The following EFCAB13 variants were observed in gnomAD, a reference collection of about 807,000 sequenced individuals.
EFCAB13 encodes the protein EF-hand calcium binding domain 13.
EFCAB13 carries 91 observed loss-of-function variants against 110.2 expected under a neutral mutation model. That is an observed-to-expected ratio of 0.83 (90% confidence interval 0.70 to 0.98). The LOEUF (loss-of-function observed/expected upper bound fraction) is 0.98. Among genes scored for constraint, EFCAB13 ranks in the 50% least tolerant of loss-of-function variants. The pLI, the probability that EFCAB13 is intolerant of heterozygous loss-of-function variation, is 0.00. For synonymous variants in EFCAB13, 323 were observed against 369.9 expected, an observed-to-expected ratio of 0.87 and a Z score of 1.45; for missense variants, 968 against 1,119.4, an observed-to-expected ratio of 0.86 and a Z score of 1.93.
intron 14 of EFCAB13, 152 bp from the exon 15 acceptor site, chr17:47,391,285 A>G: frequency 2.2e-6 from 1 of 458,454 alleles, no homozygotes; most frequent in Admixed American, 4.8e-5. Flanking sequence ...TACTTTTTTT[A>G]TTAAAGATTC....
intron 11 of EFCAB13, among the ~76,000 whole-genome samples, chr17:47,371,429 C>A (rs1037483889): frequency 2.0e-5 from 3 of 152,104 alleles, no homozygotes; most frequent in African/African-American, 7.2e-5. Context: ...GGTTTAGTTT[C>A]ATTCTTCTGC....
At chr17:47,361,307 T>C in intron 9 of EFCAB13, 71 bp from the exon 10 acceptor site, 8 of 1,474,638 alleles carry the variant, frequency 5.4e-6, no homozygotes, top group Non-Finnish European at 7.5e-6. Context: ...TAGTAGGCTA[T>C]TGACACAAAA....
chr17:47,349,769 T>C (rs1479398854), intron 9 of EFCAB13, among the ~76,000 whole-genome samples: 2 of 136,508 alleles, frequency 1.5e-5, no homozygotes, highest in East Asian at 2.0e-4. Context: ...CTTTTTTTTT[T>C]TTTTTTTTTT....
In EFCAB13 at chr17:47,361,434, G is replaced by C; in HGVS notation, c.718G>C (p.Asp240His). ...CRIKGGRVST[D>H]DVFAVLDSMG... Reference sequence around the variant, plus strand: ...GATAAAAGGTGGTCGAGTTTCAACTGATGACGTGTTTGCTGTTTTGGATAG... The same window carrying C: ...GATAAAAGGTGGTCGAGTTTCAACTCATGACGTGTTTGCTGTTTTGGATAG... Residue 240 changes from aspartate to histidine, a missense_variant, in exon 10 of 25, where the codon GAT becomes CAT. Transcript: ENST00000331493. 1 of 1,613,940 alleles carries C rather than the reference G, an allele frequency of 6.2e-7. No homozygotes were observed. Among genetic ancestry groups the C allele is most frequent in the Non-Finnish European group, 8.5e-7 (1 of 1,179,926 alleles).
At chr17:47,347,297 A>G (rs1310828163) in intron 8 of EFCAB13, among the ~76,000 whole-genome samples, 2 of 152,204 alleles carry the variant, frequency 1.3e-5, no homozygotes, top group African/African-American at 4.8e-5. Context: ...AAACAAAAAT[A>G]GCACTATCAT....
chr17:47,334,366 A>C (rs1300559760), intron 4 of EFCAB13, among the ~76,000 whole-genome samples: 1 of 152,132 alleles, frequency 6.6e-6, no homozygotes, highest in Non-Finnish European at 1.5e-5. Context: ...GTTCTTTATA[A>C]AATATGTCTT....
chr17:47,440,837 T>A lies in EFCAB13; in HGVS notation c.*123T>A. 1.3e-6 allele frequency: 1 copy of A among 775,248 alleles called. No individual in the cohort carries two copies. The allele number at this position is 775,248 out of a possible 1,614,324, so 48.0% of individuals were successfully genotyped here. On this transcript the variant is annotated 3_prime_UTR_variant, in exon 25 of 25. Transcript: ENST00000331493. ...TTTGACAAATCCAGTAGAATTTTTA[T>A]CACTATCTGTTATGTTCTCATGTAT...
intron 9 of EFCAB13, among the ~76,000 whole-genome samples, chr17:47,350,237 T>C (rs1303592921): frequency 6.6e-6 from 1 of 152,190 alleles, no homozygotes; most frequent in Non-Finnish European, 1.5e-5. Context: ...CTGAGAAAAA[T>C]GAGGAGTGAA....
At chr17:47,425,047 T>C (rs1904900707) in intron 23 of EFCAB13, among the ~76,000 whole-genome samples, 1 of 148,070 alleles carries the variant, frequency 6.8e-6, no homozygotes, top group Non-Finnish European at 1.5e-5. Flanking sequence ...CACGCCCGGC[T>C]AATTTTTTGT....
chr17:47,436,190 G>A (rs1201956372), intron 24 of EFCAB13, among the ~76,000 whole-genome samples: 1 of 152,066 alleles, frequency 6.6e-6, no homozygotes, highest in African/African-American at 2.4e-5. Flanking sequence ...TTTTGTTAGG[G>A]ATTTTAGCAT....
At chr17:47,420,387 A>C (rs1323438074) in intron 23 of EFCAB13, among the ~76,000 whole-genome samples, 2 of 152,240 alleles carry the variant, frequency 1.3e-5, no homozygotes, top group African/African-American at 4.8e-5. Context: ...GGAAGTGAGG[A>C]GCGTCTCTGC....
At chr17:47,360,686 A>G (rs977992768) in intron 9 of EFCAB13, among the ~76,000 whole-genome samples, 2 of 152,188 alleles carry the variant, frequency 1.3e-5, no homozygotes, top group Admixed American at 1.3e-4. Flanking sequence ...TGTTTTAGAC[A>G]TGAAGTCCTC....
chr17:47,335,390 T>G, intron 5 of EFCAB13, 34 bp downstream of exon 5: 2 of 1,541,198 alleles, frequency 1.3e-6, no homozygotes, highest in South Asian at 2.5e-5. Context: ...CTTTATTGAA[T>G]TATACTTTTG....
intron 22 of EFCAB13, 30 bp from the exon 23 acceptor site, chr17:47,414,815 TTAA>T (rs1567803599): frequency 5.5e-6 from 8 of 1,445,568 alleles, no homozygotes; most frequent in Non-Finnish European, 7.7e-6. Flanking sequence ...TATCAGGTTT[TTAA>T]TGTCAGCATT....
intron 14 of EFCAB13, among the ~76,000 whole-genome samples, chr17:47,384,843 C>T (rs1333439304): frequency 6.6e-6 from 1 of 151,964 alleles, no homozygotes; most frequent in African/African-American, 2.4e-5. Context: ...CATCTCCGCT[C>T]ACTGCAAGCT....
chr17:47,416,651 T>C (rs929225678), intron 23 of EFCAB13, among the ~76,000 whole-genome samples: 2 of 152,186 alleles, frequency 1.3e-5, no homozygotes, highest in African/African-American at 4.8e-5. Flanking sequence ...GTACCCAGTG[T>C]TTAGCTCACA....
intron 9 of EFCAB13, among the ~76,000 whole-genome samples, chr17:47,352,229 A>G (rs1180872585): frequency 6.6e-6 from 1 of 151,822 alleles, no homozygotes; most frequent in African/African-American, 2.4e-5. Flanking sequence ...AGCTTCAAGT[A>G]TTACATTTAA....
intron 10 of EFCAB13, among the ~76,000 whole-genome samples, chr17:47,362,741 G>A (rs946788613): frequency 5.9e-5 from 9 of 152,148 alleles, no homozygotes; most frequent in African/African-American, 2.2e-4. Context: ...AGAAATAATG[G>A]CGTAAGCTGT....
chr17:47,387,188 T>C (rs1008452235), intron 14 of EFCAB13, among the ~76,000 whole-genome samples: 17 of 152,322 alleles, frequency 1.1e-4, no homozygotes, highest in African/African-American at 4.1e-4. Flanking sequence ...TCATATGATT[T>C]TGACTTTTTA....
Sources: allele counts gnomAD v4.1 joint callset (sites outside exome capture counted in the v4.1 genomes callset), GRCh38; gene constraint gnomAD v4.1.1; transcripts MANE v1.5; gene names NCBI Gene and HGNC (gene_info 2026-07-23, HGNC 2026-07-21).